Variants in POLL observed in about 807,000 individuals in gnomAD.
POLL encodes DNA polymerase beta-2.
In POLL, 44 loss-of-function variants were observed where a neutral mutation model predicts 58.1. The observed-to-expected ratio is 0.76, with a 90% CI of 0.60 to 0.97. The LOEUF (loss-of-function observed/expected upper bound fraction) is 0.97. POLL is among the 50% of genes least tolerant of loss of function. POLL has a pLI of 0.00. For missense variants in POLL, 632 were observed against 736.8 expected (o/e 0.86, Z 1.65); for synonymous variants, 290 against 283.2 (o/e 1.02, Z -0.24).
chr10:101,579,185 T>G lies in POLL; in HGVS notation c.*268A>C. On this transcript the variant is annotated 3_prime_UTR_variant, in exon 9 of 9. Coordinates refer to ENST00000370162, the MANE Select transcript of POLL (RefSeq NM_001174084.2). This position sits in a 1 kb window ranked among gnomAD's most constrained non-coding sequence, Gnocchi z 4.4. ...CTGCTTAAAATGGGGCAAGGGGCCA[T>G]TTGCAAAATTCTTCGAGGGGCAGTG... is the stretch of plus-strand genomic sequence containing the variant. 2.1e-5 allele frequency: 10 copies of G among 465,308 alleles called. No individual in the cohort carries two copies. The highest frequency in any genetic ancestry group is 2.7e-5 in the Non-Finnish European group (7 of 260,330). The allele number at this position is 465,308 out of a possible 1,614,324, so 28.8% of individuals were successfully genotyped here.
intron 5 of POLL, 29 bp downstream of exon 5, chr10:101,584,573 C>T (rs2063189715): frequency 1.3e-6 from 2 of 1,493,162 alleles, no homozygotes; most frequent in Non-Finnish European, 1.8e-6. Flanking sequence ...CCAGTAAAGA[C>T]CCCTCCTCCC....
In POLL at chr10:101,580,045, A is replaced by C; in HGVS notation, c.1363+203T>G. ...GATACTTGGCCTGCAGGGTTCACTG[A>C]GCACCTCCACATAGGTGTGGCGGGG... On this transcript the variant is annotated intron_variant, in intron 8 of 8. Coordinates refer to ENST00000370162, the MANE Select transcript of POLL (RefSeq NM_001174084.2). This position sits in a 1 kb window ranked among gnomAD's most constrained non-coding sequence, Gnocchi z 4.1. 1 of 680,794 alleles carries C rather than the reference A, an allele frequency of 1.5e-6. No homozygotes were observed. The highest frequency in any genetic ancestry group is 2.7e-5 in the East Asian group (1 of 36,618). 42.2% of individuals were successfully genotyped at this position (680,794 alleles called of 1,614,324 possible). A position where few individuals can be genotyped will look rare whatever the true frequency, so the allele number is the denominator to read the frequency against.
Position 101,582,897 on chromosome 10 carries a change from A to G in POLL, c.1066-6T>C, listed in dbSNP as rs769587520. ...TCTTCCAGACTTCGGAAGCCCTGGAAAAAAGCAGCCAGATGGGAAGCTGTA... is the reference window on the plus strand; with the variant it reads ...TCTTCCAGACTTCGGAAGCCCTGGAGAAAAGCAGCCAGATGGGAAGCTGTA... On this transcript the variant is annotated splice_region_variant and splice_polypyrimidine_tract_variant and intron_variant, in intron 6 of 8. Coordinates refer to ENST00000370162, the MANE Select transcript of POLL (RefSeq NM_001174084.2). The G allele has an allele frequency of 1.9e-6, 3 of 1,614,186 alleles. No individual in the cohort carries two copies. Among genetic ancestry groups the G allele is most frequent in the Non-Finnish European group, 2.5e-6 (3 of 1,180,040 alleles).
Position 101,580,499 on chromosome 10 carries a change from G to A in POLL, c.1195-83C>T, listed in dbSNP as rs910070168. 51 of 1,271,478 alleles carry A rather than the reference G, an allele frequency of 4.0e-5. No homozygotes were observed. The Admixed American group carries it at 7.0e-4, about 17-fold the overall frequency. The allele number at this position is 1,271,478 out of a possible 1,614,324, so 78.8% of individuals were successfully genotyped here. A position where few individuals can be genotyped will look rare whatever the true frequency, so the allele number is the denominator to read the frequency against. On this transcript the variant is annotated intron_variant, in intron 7 of 8. Transcript: ENST00000370162. The surrounding 1 kb of genome is among the most constrained non-coding windows in gnomAD (Gnocchi z 4.1). ...GCAGTACAAGGGCCTTCCCAGACTC[G>A]GGCCCACACCCTCAGCTTATGCCCA...
intron 5 of POLL, 134 bp from the exon 6 acceptor site, chr10:101,583,815 G>T: frequency 1.4e-6 from 1 of 712,992 alleles, no homozygotes; most frequent in Admixed American, 2.4e-5. Flanking sequence ...CTGTGTGGCT[G>T]TGTAAAGCTT....
rs1186520354 is a variant in POLL, at chr10:101,583,319, C to A, written c.1065+189G>T. The A allele has an allele frequency of 6.5e-6, 4 of 616,320 alleles. No homozygotes were observed. In the East Asian group the frequency reaches 1.1e-4, roughly 17 times the overall value. 38.2% of individuals were successfully genotyped at this position (616,320 alleles called of 1,614,324 possible). ...TCTACTCCTTCTTAAGGATACCAAG[C>A]AACAAGGCTGTTCTGGGAGCTGAGG... On this transcript the variant is annotated intron_variant, in intron 6 of 8. Coordinates refer to ENST00000370162, the MANE Select transcript of POLL (RefSeq NM_001174084.2).
Position 101,584,902 on chromosome 10 carries a change from T to C in POLL, c.591A>G (p.Glu197=), listed in dbSNP as rs569023180. 2 of 1,426,050 alleles carry C rather than the reference T, an allele frequency of 1.4e-6. No individual in the cohort carries two copies. The highest frequency in any genetic ancestry group is 2.6e-5 in the Admixed American group (1 of 38,312). 88.3% of individuals were successfully genotyped at this position (1,426,050 alleles called of 1,614,324 possible). ...CCTGGGTTTCTTCCCCATCACTGGC[T>C]TCATCATCAGAGATGGGCTTGGGAT... is the stretch of plus-strand genomic sequence containing the variant. ...NTQAQPISDD[E]ASDGEETQVS... The change falls in exon 5 of 9, where the codon GAA becomes GAG. Residue 197 remains glutamate, a synonymous_variant. Coordinates refer to ENST00000370162, the MANE Select transcript of POLL (RefSeq NM_001174084.2).
chr10:101,587,071 G>A, intron 2 of POLL, 175 bp downstream of exon 2: 3 of 1,367,032 alleles, frequency 2.2e-6, no homozygotes, highest in Non-Finnish European at 3.1e-6. Context: ...ACAGCAAATA[G>A]CCTGTCCAAG....
At chr10:101,586,948 T>C (rs974578632) in intron 2 of POLL, among the ~76,000 whole-genome samples, 1 of 152,130 alleles carries the variant, frequency 6.6e-6, no homozygotes, top group African/African-American at 2.4e-5. Flanking sequence ...GCCTGGGTAA[T>C]GGAGGGGGGT....
chr10:101,582,585 C>T (rs1261636412), intron 7 of POLL, among the ~76,000 whole-genome samples, 178 bp downstream of exon 7: 2 of 152,098 alleles, frequency 1.3e-5, no homozygotes, highest in South Asian at 2.1e-4. Flanking sequence ...CAAAGCTCCC[C>T]ACCCCCACCT....
rs903840920 is a variant in POLL at position 101,579,358 on chromosome 10, G to A, written c.*95C>T. ...CGCTGAGGAAGCTGGTGGTTGGAGC[G>A]GCGAGGTTCAGCCAGCTGAGGCTGG... On this transcript the variant is annotated 3_prime_UTR_variant, in exon 9 of 9. Coordinates refer to ENST00000370162, the MANE Select transcript of POLL (RefSeq NM_001174084.2). The surrounding 1 kb of genome is among the most constrained non-coding windows in gnomAD (Gnocchi z 4.4). 2.9e-5 allele frequency: 41 copies of A among 1,415,912 alleles called. No homozygotes were observed. In the African/African-American group the frequency reaches 3.3e-4, roughly 11 times the overall value. The allele number at this position is 1,415,912 out of a possible 1,614,324, so 87.7% of individuals were successfully genotyped here. A position where few individuals can be genotyped will look rare whatever the true frequency, so the allele number is the denominator to read the frequency against.
rs531610846 is a variant in POLL, at chr10:101,579,204, G to A, written c.*249C>T. 3.7e-5 allele frequency: 19 copies of A among 518,166 alleles called. No individual in the cohort carries two copies. The highest frequency in any genetic ancestry group is 3.2e-4 in the African/African-American group (17 of 52,722). 32.1% of individuals were successfully genotyped at this position (518,166 alleles called of 1,614,324 possible). On this transcript the variant is annotated 3_prime_UTR_variant, in exon 9 of 9. Coordinates refer to ENST00000370162, the MANE Select transcript of POLL (RefSeq NM_001174084.2). This position sits in a 1 kb window ranked among gnomAD's most constrained non-coding sequence, Gnocchi z 4.4. Reference sequence around the variant, plus strand: ...GGGCCATTTGCAAAATTCTTCGAGGGGCAGTGGTGAGGTAGAAGGGGTGGC... The same window carrying A: ...GGGCCATTTGCAAAATTCTTCGAGGAGCAGTGGTGAGGTAGAAGGGGTGGC...
In POLL at chr10:101,587,971, C is replaced by A; in HGVS notation, c.-196G>T. 1 of 1,281,970 alleles carries A rather than the reference C, an allele frequency of 7.8e-7. No homozygotes were observed. Among genetic ancestry groups the A allele is most frequent in the South Asian group, 1.3e-5 (1 of 75,286 alleles). 79.4% of individuals were successfully genotyped at this position (1,281,970 alleles called of 1,614,324 possible). A position where few individuals can be genotyped will look rare whatever the true frequency, so the allele number is the denominator to read the frequency against. On this transcript the variant is annotated 5_prime_UTR_variant, in exon 1 of 9. Coordinates refer to ENST00000370162, the MANE Select transcript of POLL (RefSeq NM_001174084.2). Reference sequence around the variant, plus strand: ...GCACGGCCGCAGCAGGTGTGGGGAGCCCTCCGGGAATGGAGGAGTCTCGCA... The same window carrying A: ...GCACGGCCGCAGCAGGTGTGGGGAGACCTCCGGGAATGGAGGAGTCTCGCA...
chr10:101,580,486 C>G lies in POLL; in HGVS notation c.1195-70G>C. Reference sequence around the variant, plus strand: ...CTCCTCTCCCACAGCAGTACAAGGGCCTTCCCAGACTCGGGCCCACACCCT... The same window carrying G: ...CTCCTCTCCCACAGCAGTACAAGGGGCTTCCCAGACTCGGGCCCACACCCT... On this transcript the variant is annotated intron_variant, in intron 7 of 8. Coordinates refer to ENST00000370162, the MANE Select transcript of POLL (RefSeq NM_001174084.2). The surrounding 1 kb of genome is among the most constrained non-coding windows in gnomAD (Gnocchi z 4.1). 7.1e-7 allele frequency: 1 copy of G among 1,411,966 alleles called. No homozygotes were observed. Among genetic ancestry groups the G allele is most frequent in the Non-Finnish European group, 9.8e-7 (1 of 1,017,314 alleles). The allele number at this position is 1,411,966 out of a possible 1,614,324, so 87.5% of individuals were successfully genotyped here.
Position 101,579,688 on chromosome 10 carries a change from T to C in POLL, c.1493A>G (p.Glu498Gly). The part of the protein sequence containing the change: ...RLDIIVVPYS[E>G]FACALLYFTG... The stretch of plus-strand genomic sequence containing the variant: ...GAAGTAGAGCAGGGCACAGGCAAAC[T>C]CGCTATAGGGCACCACGATGATGTC... The change falls in exon 9 of 9, where the codon GAG becomes GGG. Residue 498 changes from glutamate (E) to glycine (G), a missense_variant. Transcript: ENST00000370162. The surrounding 1 kb of genome is among the most constrained non-coding windows in gnomAD (Gnocchi z 4.4). 6.2e-7 allele frequency: 1 copy of C among 1,613,520 alleles called. No individual in the cohort carries two copies. The highest frequency in any genetic ancestry group is 8.5e-7 in the Non-Finnish European group (1 of 1,179,940).
At position 101,587,298 on chromosome 10, in the gene POLL, T is replaced by C; in HGVS notation, c.63A>G (p.Ser21=). The stretch of plus-strand genomic sequence containing the variant: ...TAGGAATCTTTGCAAGTACTTTTGA[T>C]GATGCATCAGCATGAATTTTCTGCC... ...PKRQKIHADA[S]SKVLAKIPRR... Residue 21 remains serine, a synonymous_variant, in exon 2 of 9, where the codon TCA becomes TCG. Transcript: ENST00000370162. The C allele has an allele frequency of 6.2e-7, 1 of 1,614,212 alleles. No individual in the cohort carries two copies. The highest frequency in any genetic ancestry group is 8.5e-7 in the Non-Finnish European group (1 of 1,180,030).
chr10:101,587,651 GA>G (rs753334004), intron 1 of POLL, 170 bp downstream of exon 1: 201 of 957,640 alleles, frequency 2.1e-4, no homozygotes, highest in Middle Eastern at 1.2e-3. Context: ...TGAGGAGTAG[GA>G]AACGACACCA....
In POLL at chr10:101,588,121, C is replaced by G; in HGVS notation, c.-346G>C. On this transcript the variant is annotated 5_prime_UTR_variant, in exon 1 of 9. Coordinates refer to ENST00000370162, the MANE Select transcript of POLL (RefSeq NM_001174084.2). ...CCCGACCCCGGCCCCAAGAGTCTCT[C>G]CAACCCCCAGAGTCGGTCCCCGGGT... The G allele has an allele frequency of 1.3e-6, 2 of 1,516,048 alleles. No individual in the cohort carries two copies. Among genetic ancestry groups the G allele is most frequent in the Non-Finnish European group, 1.8e-6 (2 of 1,134,768 alleles). 93.9% of individuals were successfully genotyped at this position (1,516,048 alleles called of 1,614,324 possible).
At chr10:101,583,438 A>G in intron 6 of POLL, 70 bp downstream of exon 6, 1 of 1,525,964 alleles carries the variant, frequency 6.6e-7, no homozygotes, top group Non-Finnish European at 9.0e-7. Flanking sequence ...GGGGCAGAGC[A>G]CAGCACACAT....
Sources: allele counts gnomAD v4.1 joint callset (sites outside exome capture counted in the v4.1 genomes callset), GRCh38; gene constraint gnomAD v4.1.1; non-coding constraint Gnocchi (gnomAD v3.1); transcripts MANE v1.5; gene names NCBI Gene and HGNC (gene_info 2026-07-23, HGNC 2026-07-21).